Variants in PPFIA1 observed in about 807,000 individuals in gnomAD.
The protein encoded by PPFIA1 is PPFI scaffold protein A1, also known as liprin-alpha-1.
In PPFIA1, 25 loss-of-function variants were observed where a neutral mutation model predicts 149.9. That is an observed-to-expected ratio of 0.17 (90% confidence interval 0.12 to 0.23). PPFIA1 has a LOEUF of 0.23. PPFIA1 is among the 10% of genes least tolerant of loss of function. The pLI, the probability that PPFIA1 is intolerant of heterozygous loss-of-function variation, is 1.00. For missense variants in PPFIA1, 1,362 were observed against 1,506.5 expected, an observed-to-expected ratio of 0.90 and a Z score of 1.59; for synonymous variants, 549 against 552.8, an observed-to-expected ratio of 0.99 and a Z score of 0.10.
Position 70,330,284 on chromosome 11 carries a change from A to G in PPFIA1, c.1042A>G (p.Asn348Asp). ...SVHDLNDKLENEIANKDSMHR... is the reference protein window; with the variant it reads ...SVHDLNDKLEDEIANKDSMHR... ...GCATGACCTCAATGATAAACTTGAA[A>G]ATGAAATTGCAAATAAAGATTCTAT... The change falls in exon 8 of 28, where the codon AAT becomes GAT. Residue 348 changes from asparagine (N) to aspartate (D), a missense_variant. Coordinates refer to ENST00000253925, the MANE Select transcript of PPFIA1 (RefSeq NM_003626.5). The G allele has an allele frequency of 6.3e-7, 1 of 1,582,750 alleles. No individual in the cohort carries two copies. Among genetic ancestry groups the G allele is most frequent in the Non-Finnish European group, 8.6e-7 (1 of 1,169,002 alleles).
At chr11:70,341,184 TA>T (rs1160096194) in intron 14 of PPFIA1, 1 of 303,568 alleles carries the variant, frequency 3.3e-6, no homozygotes, top group Admixed American at 4.7e-5. Context: ...CGTCAGATGG[TA>T]ATAAGCATGG....
At chr11:70,304,635 C>G (rs968948652) in intron 2 of PPFIA1, among the ~76,000 whole-genome samples, 3 of 152,178 alleles carry the variant, frequency 2.0e-5, no homozygotes, top group Admixed American at 2.0e-4. Context: ...TACTTGGCAC[C>G]TGCAAAGGAC....
chr11:70,328,368 T>C (rs1168633521), intron 7 of PPFIA1, among the ~76,000 whole-genome samples: 3 of 152,196 alleles, frequency 2.0e-5, no homozygotes, highest in Non-Finnish European at 4.4e-5. Flanking sequence ...CTAAAGATAA[T>C]GGCCGCCAGC....
At chr11:70,349,268 C>T (rs2055904975) in intron 16 of PPFIA1, among the ~76,000 whole-genome samples, 1 of 152,038 alleles carries the variant, frequency 6.6e-6, no homozygotes, top group African/African-American at 2.4e-5. Flanking sequence ...GGTCACCTCT[C>T]ACCTGGAAAT....
chr11:70,382,239 G>T, intron 27 of PPFIA1, 81 bp downstream of exon 27: 5 of 1,084,266 alleles, frequency 4.6e-6, no homozygotes, highest in South Asian at 1.4e-5. Flanking sequence ...CAGACTAGGG[G>T]TGTGGACCAT....
chr11:70,296,894 C>G (rs187011857), intron 2 of PPFIA1, among the ~76,000 whole-genome samples: 64 of 152,188 alleles, frequency 4.2e-4, no homozygotes, highest in African/African-American at 1.5e-3. Context: ...CTGCGCTGTC[C>G]CCTTAGCTCT....
intron 15 of PPFIA1, 103 bp downstream of exon 15, chr11:70,343,995 G>C (rs564144669): frequency 2.0e-6 from 2 of 1,004,680 alleles, no homozygotes; most frequent in African/African-American, 1.6e-5. Context: ...CATTTTCTAA[G>C]TATTACATAA....
chr11:70,343,925 G>T (rs774038891), intron 15 of PPFIA1, 33 bp downstream of exon 15: 16 of 1,548,348 alleles, frequency 1.0e-5, no homozygotes, highest in East Asian at 2.3e-5. Flanking sequence ...CTCACCACAC[G>T]CATGGGTGTC....
chr11:70,380,331 G>A (rs1404336886), intron 26 of PPFIA1, among the ~76,000 whole-genome samples: 1 of 151,936 alleles, frequency 6.6e-6, no homozygotes, highest in Non-Finnish European at 1.5e-5. Flanking sequence ...ACTTTGGGAG[G>A]CCAAGGCGGG....
intron 2 of PPFIA1, among the ~76,000 whole-genome samples, chr11:70,303,633 C>A (rs926595576): frequency 2.6e-5 from 4 of 152,194 alleles, no homozygotes; most frequent in African/African-American, 9.7e-5. Context: ...CCTGGACTCT[C>A]TGGAGTACTG....
chr11:70,353,600 A>C lies in PPFIA1; in HGVS notation c.2164-701A>C, dbSNP rs192020939. Among the ~76,000 whole-genome samples the C allele has an allele frequency of 2.3e-3, 343 of 152,296 alleles. 4 individuals carry two copies. Among genetic ancestry groups the C allele is most frequent in the African/African-American group, 7.8e-3 (322 of 41,546 alleles). ...GGCGTATTCACGTTCCACTGCAAAAACAAAAAAACCCTGGGAGTCTGACAA... is the reference window on the plus strand; with the variant it reads ...GGCGTATTCACGTTCCACTGCAAAACCAAAAAAACCCTGGGAGTCTGACAA... On this transcript the variant is annotated intron_variant, in intron 16 of 27. Transcript: ENST00000253925.
chr11:70,371,973 G>T, intron 21 of PPFIA1: 1 of 315,904 alleles, frequency 3.2e-6, no homozygotes. Context: ...TTTGTAGTTT[G>T]ATTTAAAAGT....
chr11:70,324,526 C>G, intron 3 of PPFIA1, 23 bp downstream of exon 3: 1 of 1,557,914 alleles, frequency 6.4e-7, no homozygotes, highest in Non-Finnish European at 8.8e-7. Context: ...TTTCTGTTCA[C>G]TGCCTGCCCC....
chr11:70,363,752 A>G (rs2056781954), intron 21 of PPFIA1, among the ~76,000 whole-genome samples: 1 of 152,056 alleles, frequency 6.6e-6, no homozygotes, highest in South Asian at 2.1e-4. Context: ...GGCCTCCAGT[A>G]GTCCTCCTGC....
chr11:70,317,934 C>T lies in PPFIA1; in HGVS notation c.265-6468C>T, dbSNP rs116376741. On this transcript the variant is annotated intron_variant, in intron 2 of 27. Transcript: ENST00000253925. ...TAAAAATAAAACACCGATATTCCAC[C>T]TTCCTGGGACCGACAGTCCTAGGAC... Among the ~76,000 whole-genome samples the T allele has an allele frequency of 8.4e-3, 1,283 of 152,266 alleles. 11 individuals are homozygous for T. The highest frequency in any genetic ancestry group is 0.029 in the African/African-American group (1,219 of 41,540).
At chr11:70,287,451 T>A (rs1215220201) in intron 2 of PPFIA1, among the ~76,000 whole-genome samples, 1 of 152,074 alleles carries the variant, frequency 6.6e-6, no homozygotes, top group African/African-American at 2.4e-5. Flanking sequence ...GTATACTGAT[T>A]CTCAAAAATG....
intron 2 of PPFIA1, among the ~76,000 whole-genome samples, chr11:70,302,357 C>T (rs1186195230): frequency 3.3e-5 from 5 of 152,108 alleles, no homozygotes; most frequent in Admixed American, 1.3e-4. Context: ...ACAGGAAAGG[C>T]ATGGAGGGCT....
At chr11:70,276,971 C>T (rs927334621) in intron 2 of PPFIA1, among the ~76,000 whole-genome samples, 7 of 128,564 alleles carry the variant, frequency 5.4e-5, no homozygotes, top group Admixed American at 7.6e-5. Flanking sequence ...TTTTTTTCTA[C>T]TTACATTTGT....
chr11:70,287,563 A>G (rs1220881033), intron 2 of PPFIA1, among the ~76,000 whole-genome samples: 1 of 150,942 alleles, frequency 6.6e-6, no homozygotes, highest in African/African-American at 2.4e-5. Flanking sequence ...TCCTGGTCTC[A>G]AGTAATCCTC....
Sources: gnomAD v4.1 joint callset for allele counts (sites outside exome capture counted in the v4.1 genomes callset) on GRCh38, gnomAD v4.1.1 for gene constraint, MANE v1.5 for transcripts, NCBI Gene and HGNC (gene_info 2026-07-23, HGNC 2026-07-21) for gene names.